Variants in SEC31A observed in about 807,000 individuals in gnomAD.
SEC31A encodes protein transport protein Sec31A.
A neutral mutation model predicts 151.0 loss-of-function variants in SEC31A; 70 were observed. The ratio of observed to expected loss-of-function variants is 0.46; its 90% CI spans 0.38 to 0.57. SEC31A has a LOEUF of 0.57. SEC31A is among the 20% of genes least tolerant of loss of function. SEC31A has a pLI of 0.00. For missense variants in SEC31A, 1,330 were observed against 1,471.2 expected (o/e 0.90, Z 1.57); for synonymous variants, 475 against 505.9 (o/e 0.94, Z 0.82).
At chr4:82,864,261 C>T (rs769789006) in intron 11 of SEC31A, 101 bp downstream of exon 11, 3 of 848,076 alleles carry the variant, frequency 3.5e-6, no homozygotes, top group South Asian at 1.7e-5. Flanking sequence ...TGAAATCACA[C>T]TTTTTCAATT....
At chr4:82,841,973 A>C (rs13142752) in intron 22 of SEC31A, among the ~76,000 whole-genome samples, 167 bp downstream of exon 22, 31,368 of 150,500 alleles carry the variant, frequency 0.21, 3,340 homozygotes, top group South Asian at 0.34. Flanking sequence ...CTCCATCACA[A>C]AAAAAAAAAC....
chr4:82,864,366 A>G lies in SEC31A; in HGVS notation c.1430T>C (p.Leu477Ser). The G allele has an allele frequency of 6.2e-7, 1 of 1,609,730 alleles. No homozygotes were observed. Among genetic ancestry groups the G allele is most frequent in the South Asian group, 1.1e-5 (1 of 90,956 alleles). Residue 477 changes from leucine to serine, a missense_variant, in exon 11 of 27, where the codon TTG becomes TCG. Transcript: ENST00000395310. ...TEFEKNVWSF[L>S]KVNFEDDSRG... Reference sequence around the variant, plus strand: ...AGCTTTAAACAGCAACTTTACCTTCAAAAAGGACCACACATTTTTCTCAAA... The same window carrying G: ...AGCTTTAAACAGCAACTTTACCTTCGAAAAGGACCACACATTTTTCTCAAA...
At chr4:82,893,750 T>C (rs1298939004), upstream of SEC31A, 1 of 152,170 alleles carries the variant, frequency 6.6e-6, no homozygotes, top group Non-Finnish European at 1.5e-5. Context: ...GGTTAAAAGA[T>C]AAAAAATATA....
intron 22 of SEC31A, chr4:82,830,792 T>A (rs1389984624): frequency 4.6e-6 from 1 of 216,794 alleles, no homozygotes; most frequent in Non-Finnish European, 8.9e-6. Context: ...CTGATTCAAT[T>A]AAGAAGCCAA....
intron 22 of SEC31A, among the ~76,000 whole-genome samples, chr4:82,841,354 C>T (rs1728680150): frequency 1.4e-5 from 2 of 148,136 alleles, no homozygotes; most frequent in Non-Finnish European, 3.0e-5. Flanking sequence ...ACCCGGGAGA[C>T]GGAGGTTGCA....
At chr4:82,838,552 C>A (rs6824122) in intron 22 of SEC31A, among the ~76,000 whole-genome samples, 151,889 of 152,330 alleles carry the variant, frequency 1, 75,724 homozygotes, top group Middle Eastern at 1. Context: ...ATCTCCCTCG[C>A]GTACCACTTT....
At chr4:82,876,763 TA>T (rs1738052831) in intron 4 of SEC31A, among the ~76,000 whole-genome samples, 1 of 152,242 alleles carries the variant, frequency 6.6e-6, no homozygotes, top group Non-Finnish European at 1.5e-5. Context: ...GGGCTTCATA[TA>T]CTGACCTTCA....
At chr4:82,869,586 T>C (rs1736203793) in intron 8 of SEC31A, among the ~76,000 whole-genome samples, 1 of 152,178 alleles carries the variant, frequency 6.6e-6, no homozygotes, top group African/African-American at 2.4e-5. Flanking sequence ...TTGAATTTAC[T>C]TGGCAAGGCA....
intron 22 of SEC31A, among the ~76,000 whole-genome samples, chr4:82,830,480 T>A (rs1311686639): frequency 1.3e-5 from 2 of 151,880 alleles, no homozygotes; most frequent in Non-Finnish European, 1.5e-5. Context: ...AAAATAAAAA[T>A]AAAAAAATAA....
At chr4:82,897,400 A>G (rs942547735) in intron 3 of SEC31A, among the ~76,000 whole-genome samples, 15 of 152,236 alleles carry the variant, frequency 9.9e-5, no homozygotes, top group African/African-American at 3.6e-4. Flanking sequence ...CGGCAACACA[A>G]AAGGGTAGGT....
chr4:82,878,698 G>A (rs1339743502), intron 4 of SEC31A, 32 bp downstream of exon 4: 2 of 1,563,690 alleles, frequency 1.3e-6, no homozygotes, highest in Non-Finnish European at 1.8e-6. Flanking sequence ...GCAGCACATA[G>A]TCTAAGAATT....
At chr4:82,845,384 T>C (rs1373129412) in intron 20 of SEC31A, 5 of 641,048 alleles carry the variant, frequency 7.8e-6, no homozygotes, top group Non-Finnish European at 9.6e-6. Flanking sequence ...AATAGCCAGA[T>C]GCAAAGCCAA....
intron 1 of SEC31A, among the ~76,000 whole-genome samples, chr4:82,887,856 A>G (rs10032078): frequency 0.45 from 68,246 of 150,688 alleles, 18,020 homozygotes; most frequent in Admixed American, 0.6. Context: ...CAGGAGATCG[A>G]GACCACGGTG....
intron 7 of SEC31A, among the ~76,000 whole-genome samples, chr4:82,871,004 G>A (rs765515472): frequency 6.6e-6 from 1 of 152,024 alleles, no homozygotes; most frequent in Non-Finnish European, 1.5e-5. Context: ...GCAATATAAC[G>A]ACACTCTGTC....
chr4:82,875,818 T>C lies in SEC31A; in HGVS notation c.407A>G (p.Asn136Ser). 6.3e-7 allele frequency: 1 copy of C among 1,586,746 alleles called. No homozygotes were observed. The change falls in exon 5 of 27, where the codon AAT becomes AGT. Residue 136 changes from asparagine (N) to serine (S), a missense_variant. Physicochemically the swap from Asn to Ser is conservative, Grantham distance 46. Transcript: ENST00000395310. ...TTCATTAGCACCAGAAGCTACCAGA[T>C]TAGTCTGCAAGAAGAAACCATAACT... Reference protein sequence around the residue: ...RALDVNIFQTNLVASGANESE... With the variant: ...RALDVNIFQTSLVASGANESE...
upstream of SEC31A, among the ~76,000 whole-genome samples, chr4:82,892,513 CTT>C (rs578005117): frequency 1.1e-4 from 16 of 152,238 alleles, no homozygotes; most frequent in Non-Finnish European, 1.9e-4. Flanking sequence ...AGCATTATCA[CTT>C]TTCTTTGCTG....
intron 13 of SEC31A, 197 bp from the exon 14 acceptor site, chr4:82,861,905 CTTTTTTTTTTTTTTT>C (rs33968103): frequency 1.1e-5 from 1 of 87,902 alleles, no homozygotes; most frequent in East Asian, 3.4e-4. Flanking sequence ...CTTTCCCATT[CTTTTTTTTTTTTTTT>C]TTTTTTTTTT....
At chr4:82,879,657 T>C (rs1278350588) in intron 3 of SEC31A, among the ~76,000 whole-genome samples, 1 of 152,172 alleles carries the variant, frequency 6.6e-6, no homozygotes, top group Non-Finnish European at 1.5e-5. Context: ...CTCTGAAGAA[T>C]ATGAGCGGTC....
At chr4:82,861,019 A>G (rs1397503556) in intron 14 of SEC31A, among the ~76,000 whole-genome samples, 1 of 152,006 alleles carries the variant, frequency 6.6e-6, no homozygotes, top group Non-Finnish European at 1.5e-5. Context: ...CCAAGATGAA[A>G]TAAAATTAGA....
Sources: gnomAD v4.1 joint callset for allele counts (sites outside exome capture counted in the v4.1 genomes callset) on GRCh38, gnomAD v4.1.1 for gene constraint, MANE v1.5 for transcripts, NCBI Gene and HGNC (gene_info 2026-07-23, HGNC 2026-07-21) for gene names.